The following GPHN variants were observed in gnomAD, a reference collection of about 807,000 sequenced individuals.
The protein encoded by GPHN is gephyrin.
A neutral mutation model predicts 95.5 loss-of-function variants in GPHN; 17 were observed. The observed-to-expected ratio is 0.18, with a 90% CI of 0.12 to 0.27. The LOEUF (loss-of-function observed/expected upper bound fraction) is 0.27. Ranked by LOEUF, GPHN falls within the 10% of genes least tolerant of loss-of-function variation. GPHN has a pLI of 1.00. For synonymous variants in GPHN, 320 were observed against 322.5 expected (o/e 0.99, Z 0.08); for missense variants, 660 against 978.1 (o/e 0.67, Z 4.34).
chr14:67,700,129 A>G, the GPHN span, among the ~76,000 whole-genome samples: 7 of 147,594 alleles, frequency 4.7e-5, no homozygotes, highest in Non-Finnish European at 1.5e-5. Context: ...ACAGAGCGAG[A>G]AAAAAAAAAA....
the GPHN span, among the ~76,000 whole-genome samples, chr14:67,708,979 G>C: frequency 1.3e-5 from 2 of 152,088 alleles, no homozygotes; most frequent in African/African-American, 4.8e-5. Context: ...TTTTAGTAAA[G>C]ATGGGGTTTC....
chr14:67,070,464 G>A (rs923947440), intron 11 of GPHN, among the ~76,000 whole-genome samples: 3 of 149,738 alleles, frequency 2.0e-5, no homozygotes, highest in African/African-American at 4.9e-5. Flanking sequence ...TCAGGAGGCC[G>A]AGGTGGGCGG....
At position 67,111,927 on chromosome 14, in the gene GPHN, C is replaced by T. The variant is rs1595187122; in HGVS notation, c.1472+8C>T. On this transcript the variant is annotated splice_region_variant and intron_variant, in intron 15 of 22. Coordinates refer to ENST00000478722, the MANE Select transcript of GPHN (RefSeq NM_020806.5). ...GCCAGGCCAAGATATCAGGTAACTT[C>T]AAAACACATAGAATATATAGCCTAC... The T allele has an allele frequency of 6.2e-7, 1 of 1,603,440 alleles. No homozygotes were observed. The highest frequency in any genetic ancestry group is 8.5e-7 in the Non-Finnish European group (1 of 1,170,340).
the GPHN span, among the ~76,000 whole-genome samples, chr14:67,641,405 A>T: frequency 3.9e-5 from 6 of 152,198 alleles, no homozygotes; most frequent in South Asian, 2.1e-4. Context: ...CAGATGGCCT[A>T]GATTTGGATC....
chr14:67,603,591 G>A, the GPHN span, among the ~76,000 whole-genome samples: 12 of 152,198 alleles, frequency 7.9e-5, no homozygotes, highest in Admixed American at 2.0e-4. Context: ...GGGTTGAAGC[G>A]TTCCTGTTGC....
At chr14:67,538,730 T>A in the GPHN span, among the ~76,000 whole-genome samples, 1 of 152,116 alleles carries the variant, frequency 6.6e-6, no homozygotes, top group Non-Finnish European at 1.5e-5. Context: ...CCCAACCTCC[T>A]CAGCAACTTG....
At chr14:67,464,084 G>A in the GPHN span, among the ~76,000 whole-genome samples, 1 of 151,998 alleles carries the variant, frequency 6.6e-6, no homozygotes. Context: ...GAGTGTGTGT[G>A]TGTGTGTATG....
chr14:66,644,958 G>A (rs1413635754), intron 1 of GPHN, among the ~76,000 whole-genome samples: 1 of 151,946 alleles, frequency 6.6e-6, no homozygotes, highest in East Asian at 1.9e-4. Flanking sequence ...AATGTTGTTT[G>A]CCATACTGTT....
intron 1 of GPHN, among the ~76,000 whole-genome samples, chr14:66,653,549 A>T (rs901360621): frequency 3.2e-4 from 49 of 152,134 alleles, no homozygotes; most frequent in African/African-American, 1.1e-3. Context: ...CAACACAAGG[A>T]TCCCTCAATT....
chr14:67,051,543 A>G (rs1010185454), intron 10 of GPHN, among the ~76,000 whole-genome samples: 1 of 152,230 alleles, frequency 6.6e-6, no homozygotes, highest in African/African-American at 2.4e-5. Context: ...ACATCAGGAT[A>G]TCATCCAGAA....
intron 9 of GPHN, among the ~76,000 whole-genome samples, chr14:66,994,973 A>G (rs1254614572): frequency 6.6e-6 from 1 of 152,212 alleles, no homozygotes; most frequent in Non-Finnish European, 1.5e-5. Context: ...CACCTACTAC[A>G]TTCTGCTATG....
rs1237938509 is a variant in GPHN at position 66,816,525 on chromosome 14, A to C, written c.202-7949A>C. On this transcript the variant is annotated intron_variant, in intron 3 of 22. Coordinates refer to ENST00000478722, the MANE Select transcript of GPHN (RefSeq NM_020806.5). ...TACTCACAACTCTACAATTACATGGAAACTGAATAACCTGCTCCTGAATGA... is the reference window on the plus strand; with the variant it reads ...TACTCACAACTCTACAATTACATGGCAACTGAATAACCTGCTCCTGAATGA... Among the ~76,000 whole-genome samples the C allele has an allele frequency of 3.9e-5, 6 of 152,216 alleles. No individual in the cohort carries two copies. In the East Asian group the frequency reaches 1.2e-3, roughly 29 times the overall value.
the GPHN span, chr14:67,593,884 C>T: frequency 6.2e-7 from 1 of 1,613,536 alleles, no homozygotes; most frequent in Non-Finnish European, 8.5e-7. Context: ...GATCAATCTT[C>T]ACAAAATGGA....
downstream of GPHN, among the ~76,000 whole-genome samples, chr14:67,182,656 G>A (rs750073069): frequency 2.8e-4 from 42 of 151,874 alleles, no homozygotes; most frequent in South Asian, 8.3e-4. Flanking sequence ...ACATGAATAG[G>A]GCAGAGCACC....
intron 13 of GPHN, among the ~76,000 whole-genome samples, chr14:67,101,150 A>G (rs529785887): frequency 2.0e-5 from 3 of 152,262 alleles, no homozygotes; most frequent in Admixed American, 1.3e-4. Context: ...ATGCCTTACA[A>G]GCATTTTCCA....
At chr14:67,482,853 C>T in the GPHN span, among the ~76,000 whole-genome samples, 4 of 152,200 alleles carry the variant, frequency 2.6e-5, no homozygotes, top group African/African-American at 7.2e-5. Context: ...ATTAGTGATA[C>T]TGCAGGCCTT....
chr14:67,393,059 C>T, the GPHN span: 87 of 1,065,352 alleles, frequency 8.2e-5, no homozygotes, highest in Non-Finnish European at 1.2e-4. Flanking sequence ...GCAGCTCTGA[C>T]CTCAATACAG....
At chr14:66,859,097 A>G (rs1467557684) in intron 4 of GPHN, among the ~76,000 whole-genome samples, 2 of 152,142 alleles carry the variant, frequency 1.3e-5, no homozygotes, top group Admixed American at 6.6e-5. Flanking sequence ...CCTTAAAGGG[A>G]AGGACACAAG....
intron 9 of GPHN, among the ~76,000 whole-genome samples, chr14:67,013,221 T>G (rs2073111477): frequency 6.6e-6 from 1 of 152,094 alleles, no homozygotes; most frequent in Non-Finnish European, 1.5e-5. Context: ...TTTTTGTAGA[T>G]GTGGAAACTA....
Sources: gnomAD v4.1 joint callset for allele counts (sites outside exome capture counted in the v4.1 genomes callset) on GRCh38, gnomAD v4.1.1 for gene constraint, MANE v1.5 for transcripts, NCBI Gene and HGNC (gene_info 2026-07-23, HGNC 2026-07-21) for gene names.